ADARB2: variants seen among roughly 807,000 people sequenced by gnomAD.
The protein encoded by ADARB2 is adenosine deaminase RNA specific B2 (inactive).
In ADARB2, 25 loss-of-function variants were observed where a neutral mutation model predicts 62.2. That is an observed-to-expected ratio of 0.40 (90% CI 0.29 to 0.56). The LOEUF is 0.56. Ranked by LOEUF, ADARB2 falls within the 20% of genes least tolerant of loss-of-function variation. The probability of loss-of-function intolerance (pLI) is 0.43; values close to 1 mark genes in which losing one functional copy is unlikely to be tolerated. For synonymous variants in ADARB2, 572 were observed against 500.8 expected, an observed-to-expected ratio of 1.14 and a Z score of -1.90; for missense variants, 1,071 against 1,077.4, an observed-to-expected ratio of 0.99 and a Z score of 0.08.
chr10:1,568,243 T>C (rs1442897170), intron 1 of ADARB2, among the ~76,000 whole-genome samples: 1 of 152,074 alleles, frequency 6.6e-6, no homozygotes, highest in Non-Finnish European at 1.5e-5. Context: ...TGCCCTGGTG[T>C]CCTATATTGG....
At chr10:1,656,862 A>AT (rs59359266) in intron 1 of ADARB2, among the ~76,000 whole-genome samples, 29,565 of 151,944 alleles carry the variant, frequency 0.19, 4,129 homozygotes, top group African/African-American at 0.39. Flanking sequence ...AATGCTGTGG[A>AT]TTTTTTTTCC....
At chr10:1,335,837 T>C (rs1831970546) in intron 3 of ADARB2, among the ~76,000 whole-genome samples, 1 of 152,186 alleles carries the variant, frequency 6.6e-6, no homozygotes, top group South Asian at 2.1e-4. Flanking sequence ...CTTATCCTGC[T>C]TGGCACATGC....
intron 1 of ADARB2, among the ~76,000 whole-genome samples, chr10:1,529,278 C>T (rs1427035919): frequency 7.5e-6 from 1 of 134,206 alleles, no homozygotes; most frequent in East Asian, 2.9e-4. Flanking sequence ...CACCAATCCT[C>T]CAATCAGTCC....
chr10:1,524,106 G>GATT (rs1832110351), intron 1 of ADARB2, among the ~76,000 whole-genome samples: 1 of 147,316 alleles, frequency 6.8e-6, no homozygotes, highest in Non-Finnish European at 1.5e-5. Context: ...AGATAGATTA[G>GATT]AGAGAGAGAG....
intron 7 of ADARB2, among the ~76,000 whole-genome samples, chr10:1,211,330 ATTG>A (rs1837148675): frequency 1.3e-5 from 2 of 151,682 alleles, no homozygotes; most frequent in South Asian, 2.1e-4. Context: ...TCTGTCATTT[ATTG>A]TTCTATGTAT....
At chr10:1,498,310 G>C (rs1307261816) in intron 1 of ADARB2, among the ~76,000 whole-genome samples, 1 of 152,044 alleles carries the variant, frequency 6.6e-6, no homozygotes, top group Non-Finnish European at 1.5e-5. Flanking sequence ...AGGAGGCAGA[G>C]GTTGCAGTAA....
chr10:1,312,211 G>C (rs1414222246), intron 3 of ADARB2, among the ~76,000 whole-genome samples: 2 of 152,200 alleles, frequency 1.3e-5, no homozygotes, highest in South Asian at 2.1e-4. Flanking sequence ...GCGAACCTTG[G>C]TGGGTGCTGG....
At chr10:1,331,041 T>C (rs1237774011) in intron 3 of ADARB2, among the ~76,000 whole-genome samples, 1 of 152,210 alleles carries the variant, frequency 6.6e-6, no homozygotes, top group Non-Finnish European at 1.5e-5. Context: ...ATATCATTAA[T>C]ACTTAGAGAA....
intron 2 of ADARB2, among the ~76,000 whole-genome samples, chr10:1,375,660 C>T (rs1036578498): frequency 1.3e-5 from 2 of 152,194 alleles, no homozygotes; most frequent in Non-Finnish European, 2.9e-5. Context: ...CACGGGAGAC[C>T]GGAGGAGGCA....
At chr10:1,600,960 C>T (rs1588318388) in intron 1 of ADARB2, among the ~76,000 whole-genome samples, 1 of 152,158 alleles carries the variant, frequency 6.6e-6, no homozygotes, top group Non-Finnish European at 1.5e-5. Context: ...GCGATGATGA[C>T]GGCGGCCGCA....
At chr10:1,702,146 A>G (rs1297228149) in intron 1 of ADARB2, among the ~76,000 whole-genome samples, 2 of 152,264 alleles carry the variant, frequency 1.3e-5, no homozygotes, top group Non-Finnish European at 2.9e-5. Context: ...GCTGCATCCC[A>G]CAGGGTGAAT....
chr10:1,602,564 G>C (rs1359233010), intron 1 of ADARB2, among the ~76,000 whole-genome samples: 1 of 152,182 alleles, frequency 6.6e-6, no homozygotes, highest in African/African-American at 2.4e-5. Context: ...CAGCCAGGGA[G>C]AGGCTATCCT....
intron 1 of ADARB2, among the ~76,000 whole-genome samples, chr10:1,662,001 T>C (rs528963446): frequency 6.6e-6 from 1 of 152,274 alleles, no homozygotes; most frequent in East Asian, 1.9e-4. Flanking sequence ...GCACTGCAGC[T>C]GCTCCTCTCA....
At chr10:1,487,559 C>G (rs1210469460) in intron 1 of ADARB2, among the ~76,000 whole-genome samples, 1 of 152,012 alleles carries the variant, frequency 6.6e-6, no homozygotes, top group Non-Finnish European at 1.5e-5. Flanking sequence ...CATTTTGGGC[C>G]AAGGGTTAGG....
At chr10:1,234,412 C>T (rs1830842845) in intron 5 of ADARB2, among the ~76,000 whole-genome samples, 1 of 152,174 alleles carries the variant, frequency 6.6e-6, no homozygotes, top group Admixed American at 6.5e-5. Context: ...TTTCTTACCC[C>T]CGCCTTGACA....
chr10:1,659,923 T>C (rs942417250), intron 1 of ADARB2, among the ~76,000 whole-genome samples: 1 of 147,932 alleles, frequency 6.8e-6, no homozygotes, highest in Non-Finnish European at 1.5e-5. Context: ...CTCCACCCTC[T>C]TCCTCCATTG....
chr10:1,257,439 C>T (rs893991727), intron 4 of ADARB2, among the ~76,000 whole-genome samples: 1 of 152,176 alleles, frequency 6.6e-6, no homozygotes, highest in Non-Finnish European at 1.5e-5. Flanking sequence ...AGCCCGAGAC[C>T]CCACTTCCCT....
At chr10:1,728,828 C>T (rs985926546) in intron 1 of ADARB2, among the ~76,000 whole-genome samples, 3 of 152,180 alleles carry the variant, frequency 2.0e-5, no homozygotes, top group African/African-American at 7.2e-5. Flanking sequence ...TGCTACACAT[C>T]AAAGCTATTA....
chr10:1,509,352 G>C (rs1831892921), intron 1 of ADARB2, among the ~76,000 whole-genome samples: 1 of 152,106 alleles, frequency 6.6e-6, no homozygotes, highest in East Asian at 1.9e-4. Flanking sequence ...ATGCAATCAT[G>C]GGGACTATAA....
Sources: gnomAD v4.1 joint callset for allele counts (sites outside exome capture counted in the v4.1 genomes callset) on GRCh38, gnomAD v4.1.1 for gene constraint, MANE v1.5 for transcripts, NCBI Gene and HGNC (gene_info 2026-07-23, HGNC 2026-07-21) for gene names.